OTUD7B: variants seen among roughly 807,000 people sequenced by gnomAD.
OTUD7B encodes the protein OTU deubiquitinase 7B.
In OTUD7B, 34 loss-of-function variants were observed where a neutral mutation model predicts 82.2. The observed-to-expected ratio is 0.41, with a 90% confidence interval of 0.31 to 0.55. The LOEUF (loss-of-function observed/expected upper bound fraction) is 0.55, where lower values mean the gene tolerates loss of function less well. Among genes scored for constraint, OTUD7B ranks in the 20% least tolerant of loss-of-function variants. OTUD7B has a pLI of 0.20. For synonymous variants in OTUD7B, 398 were observed against 402.7 expected (o/e 0.99, Z 0.14); for missense variants, 944 against 1,062.1 (o/e 0.89, Z 1.55).
intron 1 of OTUD7B, among the ~76,000 whole-genome samples, chr1:150,002,433 C>T (rs775802426): frequency 2.0e-5 from 3 of 152,168 alleles, no homozygotes; most frequent in Non-Finnish European, 4.4e-5. Flanking sequence ...GTCCAGGGCA[C>T]CGAACTGCCC....
the OTUD7B span, among the ~76,000 whole-genome samples, chr1:150,063,091 G>T: frequency 6.6e-6 from 1 of 152,116 alleles, no homozygotes; most frequent in South Asian, 2.1e-4. Flanking sequence ...GGAATGCAAA[G>T]ATCTTATTTA....
chr1:150,065,206 G>C, the OTUD7B span, among the ~76,000 whole-genome samples: 1 of 151,992 alleles, frequency 6.6e-6, no homozygotes. Flanking sequence ...CAAGTAGCTG[G>C]GACTGGAGGC....
intron 1 of OTUD7B, among the ~76,000 whole-genome samples, chr1:149,992,761 C>T (rs1651681740): frequency 1.3e-5 from 2 of 152,016 alleles, no homozygotes; most frequent in South Asian, 2.1e-4. Flanking sequence ...CGTGAGCCAC[C>T]GGGCTGGCCT....
chr1:149,992,053 C>T (rs1394884517), intron 1 of OTUD7B, among the ~76,000 whole-genome samples: 2 of 152,148 alleles, frequency 1.3e-5, no homozygotes, highest in African/African-American at 4.8e-5. Context: ...CATGGTGAAA[C>T]CCCATCTCTA....
the OTUD7B span, among the ~76,000 whole-genome samples, chr1:150,046,614 A>AT: frequency 0.82 from 111,336 of 135,420 alleles, 45,964 homozygotes; most frequent in East Asian, 0.99. Flanking sequence ...CACCTGGCTA[A>AT]TTTTTTTTTT....
intron 9 of OTUD7B, 80 bp downstream of exon 9, chr1:149,949,549 A>T: frequency 6.9e-7 from 1 of 1,443,388 alleles, no homozygotes; most frequent in Non-Finnish European, 9.6e-7. Context: ...CATGTCACTT[A>T]ATTCTTTCCT....
chr1:149,998,511 T>C (rs1173922785), intron 1 of OTUD7B, among the ~76,000 whole-genome samples: 1 of 152,208 alleles, frequency 6.6e-6, no homozygotes, highest in Non-Finnish European at 1.5e-5. Flanking sequence ...AGCTCACTGG[T>C]TCTCCACCTT....
Position 149,992,477 on chromosome 1 carries a change from T to TTTTG in OTUD7B, c.-66-14902_-66-14901insCAAA, listed in dbSNP as rs1651648757. Among the ~76,000 whole-genome samples, 3 of 1,598 alleles carry TTTTG rather than the reference T, an allele frequency of 1.9e-3. 1 individual carries two copies. Among genetic ancestry groups the TTTTG allele is most frequent in the Non-Finnish European group, 0.026 (2 of 76 alleles). The allele number at this position is 1,598 out of a possible 152,430, so 1.0% of individuals were successfully genotyped here. ...GTTTTGTGTGCATGTGTTTTTTTTT[T>TTTTG]TTTTTTTTTTTTTTTTAGTACAGAG... On this transcript the variant is annotated intron_variant, in intron 1 of 11. Coordinates refer to ENST00000581312, the MANE Select transcript of OTUD7B (RefSeq NM_020205.4).
At chr1:150,005,662 CT>C (rs1288472719) in intron 1 of OTUD7B, among the ~76,000 whole-genome samples, 1 of 147,838 alleles carries the variant, frequency 6.8e-6, no homozygotes. Context: ...CTGCCCATTC[CT>C]TTTTTTTTTA....
At chr1:149,948,790 A>G (rs587759059) in intron 10 of OTUD7B, among the ~76,000 whole-genome samples, 179 bp downstream of exon 10, 12 of 152,304 alleles carry the variant, frequency 7.9e-5, no homozygotes, top group African/African-American at 2.6e-4. Flanking sequence ...AGGGAGAAAA[A>G]GCAGCTGCAC....
the OTUD7B span, among the ~76,000 whole-genome samples, chr1:150,025,134 C>T: frequency 6.6e-6 from 1 of 151,116 alleles, no homozygotes; most frequent in East Asian, 2.0e-4. Flanking sequence ...TAAGATAGGT[C>T]TCAGGGGCTG....
chr1:149,972,248 G>C (rs1442248182), intron 2 of OTUD7B, among the ~76,000 whole-genome samples: 1 of 152,144 alleles, frequency 6.6e-6, no homozygotes, highest in Non-Finnish European at 1.5e-5. Flanking sequence ...TTAGAATAGT[G>C]GTTGGTTTTA....
chr1:150,023,307 G>A, the OTUD7B span, among the ~76,000 whole-genome samples: 42,447 of 152,042 alleles, frequency 0.28, 7,284 homozygotes, highest in Non-Finnish European at 0.39. Context: ...CAAAGAAATC[G>A]AAATCAGTGC....
At chr1:150,023,799 C>CA in the OTUD7B span, among the ~76,000 whole-genome samples, 40 of 152,152 alleles carry the variant, frequency 2.6e-4, no homozygotes, top group Admixed American at 4.6e-4. Flanking sequence ...TCTTGCCACA[C>CA]AAAAAAGGTA....
At chr1:150,033,260 C>T in the OTUD7B span, among the ~76,000 whole-genome samples, 2 of 151,946 alleles carry the variant, frequency 1.3e-5, no homozygotes, top group Admixed American at 6.6e-5. Flanking sequence ...ACTTTTCTGA[C>T]GTTATTGATA....
chr1:150,018,952 T>G, the OTUD7B span, among the ~76,000 whole-genome samples: 3 of 152,126 alleles, frequency 2.0e-5, no homozygotes, highest in African/African-American at 7.2e-5. Flanking sequence ...CAAGACAGTA[T>G]GGTGGCTACT....
chr1:149,957,346 C>T (rs1648764415), intron 7 of OTUD7B, among the ~76,000 whole-genome samples: 1 of 151,630 alleles, frequency 6.6e-6, no homozygotes, highest in Non-Finnish European at 1.5e-5. Flanking sequence ...GGCTGCAGAA[C>T]AGCAAATATT....
At chr1:149,967,234 C>T in intron 4 of OTUD7B, 60 bp downstream of exon 4, 1 of 1,260,224 alleles carries the variant, frequency 7.9e-7, no homozygotes, top group South Asian at 1.3e-5. Context: ...AGCCCCTCCA[C>T]AAGGCTGCCT....
the OTUD7B span, among the ~76,000 whole-genome samples, chr1:150,065,621 G>T: frequency 1.3e-5 from 2 of 152,108 alleles, no homozygotes; most frequent in Non-Finnish European, 2.9e-5. Context: ...TCACTTGCCT[G>T]CAACAAAACA....
Sources: allele counts gnomAD v4.1 joint callset (sites outside exome capture counted in the v4.1 genomes callset), GRCh38; gene constraint gnomAD v4.1.1; transcripts MANE v1.5; gene names NCBI Gene and HGNC (gene_info 2026-07-23, HGNC 2026-07-21).